Variants in CUL5 observed in about 807,000 individuals in gnomAD.
The protein encoded by CUL5 is cullin 5.
Under a neutral mutation model 108.8 loss-of-function variants are expected in CUL5, and 26 were observed. That is an observed-to-expected ratio of 0.24 (90% CI 0.18 to 0.33). CUL5 has a LOEUF of 0.33. CUL5 is among the 10% of genes least tolerant of loss of function. CUL5 has a pLI of 1.00. For missense variants in CUL5, 524 were observed against 909.2 expected (o/e 0.58, Z 5.45); for synonymous variants, 334 against 298.0 (o/e 1.12, Z -1.25).
At chr11:108,053,171 TCTTA>T (rs879861797) in intron 5 of CUL5, among the ~76,000 whole-genome samples, 1 of 152,228 alleles carries the variant, frequency 6.6e-6, no homozygotes, top group Admixed American at 6.5e-5. Context: ...GTACATTCTC[TCTTA>T]CTTCTAATTT....
intron 12 of CUL5, among the ~76,000 whole-genome samples, chr11:108,089,077 G>A (rs2135225296): frequency 6.6e-6 from 1 of 152,006 alleles, no homozygotes; most frequent in Middle Eastern, 3.4e-3. Flanking sequence ...TTAGTGTAAT[G>A]ATGTAAGCCC....
At chr11:108,072,554 T>TG in intron 9 of CUL5, 92 bp downstream of exon 9, 1 of 1,071,016 alleles carries the variant, frequency 9.3e-7, no homozygotes, top group South Asian at 1.6e-5. Flanking sequence ...TACCAGAGGC[T>TG]GGGGGTTGGG....
At chr11:108,088,847 C>T (rs749478836) in intron 12 of CUL5, among the ~76,000 whole-genome samples, 188 bp downstream of exon 12, 44 of 151,804 alleles carry the variant, frequency 2.9e-4, no homozygotes, top group Non-Finnish European at 5.0e-4. Context: ...TATTCTACAG[C>T]TTCTTGAAAG....
chr11:108,078,673 C>T (rs1863997705), intron 11 of CUL5, among the ~76,000 whole-genome samples: 1 of 152,112 alleles, frequency 6.6e-6, no homozygotes, highest in South Asian at 2.1e-4. Context: ...AATCTGACAA[C>T]TGGAATCTGA....
intron 2 of CUL5, among the ~76,000 whole-genome samples, chr11:108,040,674 A>T (rs1862878439): frequency 6.6e-6 from 1 of 151,256 alleles, no homozygotes; most frequent in African/African-American, 2.4e-5. Flanking sequence ...AGTCCCAACT[A>T]CTCAGGAGGC....
intron 11 of CUL5, among the ~76,000 whole-genome samples, chr11:108,084,049 ACAGT>A (rs1258908914): frequency 6.6e-6 from 1 of 152,116 alleles, no homozygotes; most frequent in Non-Finnish European, 1.5e-5. Context: ...ATGGCCCAAG[ACAGT>A]CCTTCTTCCA....
intron 7 of CUL5, among the ~76,000 whole-genome samples, chr11:108,063,330 C>G (rs1010848869): frequency 6.6e-6 from 1 of 152,170 alleles, no homozygotes; most frequent in Non-Finnish European, 1.5e-5. Flanking sequence ...GCTTATTTCA[C>G]CTAACACAGT....
chr11:108,051,919 A>C (rs1863235660), intron 4 of CUL5, among the ~76,000 whole-genome samples: 1 of 152,238 alleles, frequency 6.6e-6, no homozygotes, highest in South Asian at 2.1e-4. Context: ...TAAATAAGTA[A>C]CAGCTGGGAT....
Position 108,073,423 on chromosome 11 carries a change from C to T in CUL5, c.1039C>T (p.Leu347=). The change falls in exon 10 of 19, where the codon CTA becomes TTA. Residue 347 remains leucine (L), a synonymous_variant. Transcript: ENST00000393094. Reference sequence around the variant, plus strand: ...GAAATACGTTGAGCAGTTACTTACACTATTTAATAGATTTAGTAAACTCGT... The same window carrying T: ...GAAATACGTTGAGCAGTTACTTACATTATTTAATAGATTTAGTAAACTCGT... ...SEKYVEQLLT[L]FNRFSKLVKE... is the part of the protein sequence containing the mutation. The T allele has an allele frequency of 6.3e-7, 1 of 1,588,336 alleles. No homozygotes were observed. The highest frequency in any genetic ancestry group is 8.6e-7 in the Non-Finnish European group (1 of 1,165,416).
chr11:108,069,037 G>T (rs7109537), intron 7 of CUL5, among the ~76,000 whole-genome samples: 146,304 of 152,266 alleles, frequency 0.96, 70,580 homozygotes, highest in East Asian at 1. Context: ...GGGGGATCAT[G>T]TGAGACCAGG....
chr11:108,034,240 A>G (rs1052551687), intron 2 of CUL5, among the ~76,000 whole-genome samples: 1 of 152,206 alleles, frequency 6.6e-6, no homozygotes, highest in African/African-American at 2.4e-5. Flanking sequence ...GGAGTCACAC[A>G]GGACACACTT....
At chr11:108,028,909 A>C (rs890598079) in intron 1 of CUL5, among the ~76,000 whole-genome samples, 1 of 152,188 alleles carries the variant, frequency 6.6e-6, no homozygotes, top group African/African-American at 2.4e-5. Flanking sequence ...GTAGAAACCA[A>C]AGTCTTTATA....
chr11:108,060,193 A>T (rs546459603), intron 7 of CUL5, among the ~76,000 whole-genome samples: 10 of 149,478 alleles, frequency 6.7e-5, no homozygotes, highest in African/African-American at 2.2e-4. Context: ...GTCTAAAATT[A>T]AAAAAAAAAA....
intron 18 of CUL5, among the ~76,000 whole-genome samples, chr11:108,102,561 A>T (rs1864698903): frequency 6.6e-6 from 1 of 151,052 alleles, no homozygotes; most frequent in Admixed American, 6.6e-5. Context: ...AAACTCCACG[A>T]CTCAAACGAT....
At chr11:108,078,697 C>G (rs1038437583) in intron 11 of CUL5, among the ~76,000 whole-genome samples, 1 of 152,094 alleles carries the variant, frequency 6.6e-6, no homozygotes, top group Non-Finnish European at 1.5e-5. Flanking sequence ...AGTTATAGCA[C>G]TTTCAGAGTA....
At chr11:108,080,396 C>A (rs956848464) in intron 11 of CUL5, among the ~76,000 whole-genome samples, 2 of 151,888 alleles carry the variant, frequency 1.3e-5, no homozygotes, top group African/African-American at 4.8e-5. Context: ...GGCCTTTTGC[C>A]CATTTTTTTT....
At chr11:108,028,502 T>C (rs1487366010) in intron 1 of CUL5, among the ~76,000 whole-genome samples, 3 of 152,168 alleles carry the variant, frequency 2.0e-5, no homozygotes, top group Non-Finnish European at 4.4e-5. Context: ...TATAATATAT[T>C]CTCAACATAG....
chr11:108,053,816 C>G (rs1459841671), intron 5 of CUL5, among the ~76,000 whole-genome samples: 1 of 151,704 alleles, frequency 6.6e-6, no homozygotes, highest in African/African-American at 2.4e-5. Context: ...GTAGCTGGGA[C>G]TGCAGGCATG....
intron 10 of CUL5, 118 bp downstream of exon 10, chr11:108,073,615 T>G (rs963429089): frequency 7.7e-5 from 35 of 453,648 alleles, no homozygotes; most frequent in African/African-American, 6.9e-4. Flanking sequence ...CTAGCAACTG[T>G]TATTTTTCAT....
Sources: allele counts gnomAD v4.1 joint callset (sites outside exome capture counted in the v4.1 genomes callset), GRCh38; gene constraint gnomAD v4.1.1; transcripts MANE v1.5; gene names NCBI Gene and HGNC (gene_info 2026-07-23, HGNC 2026-07-21).